GRIK2: variants seen among roughly 807,000 people sequenced by gnomAD.
GRIK2 encodes glutamate receptor ionotropic, kainate 2.
A neutral mutation model predicts 100.3 loss-of-function variants in GRIK2; 32 were observed. The observed-to-expected ratio is 0.32, with a 90% CI of 0.24 to 0.43. GRIK2 has a LOEUF of 0.43. Ranked by LOEUF, GRIK2 falls within the 20% of genes least tolerant of loss-of-function variation. GRIK2 has a pLI of 1.00. For synonymous variants in GRIK2, 417 were observed against 389.4 expected (o/e 1.07, Z -0.83); for missense variants, 843 against 1,114.9 (o/e 0.76, Z 3.47).
chr6:101,592,588 C>CATATATATATATATATATATATAT lies in GRIK2; in HGVS notation c.116-29348_116-29325dup, dbSNP rs3056161. 1.7e-3 allele frequency among the ~76,000 whole-genome samples: 169 copies of CATATATATATATATATATATATAT among 101,888 alleles called. 1 individual carries two copies. Among genetic ancestry groups the CATATATATATATATATATATATAT allele is most frequent in the African/African-American group, 1.9e-3 (50 of 25,814 alleles). 66.8% of individuals were successfully genotyped at this position (101,888 alleles called of 152,430 possible). ...TCATGGGATAGAATTACTAATATCA[C>CATATATATATATATATATATATAT]ATATATATATATATATATATATATA... On this transcript the variant is annotated intron_variant, in intron 2 of 16. Transcript: ENST00000369134.
chr6:101,652,664 G>T (rs1459889246), intron 4 of GRIK2, among the ~76,000 whole-genome samples: 1 of 152,148 alleles, frequency 6.6e-6, no homozygotes, highest in African/African-American at 2.4e-5. Context: ...TTTATATTCT[G>T]CTGGGAATAA....
chr6:101,661,331 A>G (rs768169215), intron 4 of GRIK2, among the ~76,000 whole-genome samples: 4 of 151,998 alleles, frequency 2.6e-5, no homozygotes, highest in African/African-American at 7.2e-5. Context: ...CCTGCCCCCA[A>G]GCTCAAGCAT....
chr6:102,042,835 G>GT (rs1292781470), intron 15 of GRIK2, among the ~76,000 whole-genome samples: 1 of 151,628 alleles, frequency 6.6e-6, no homozygotes, highest in Non-Finnish European at 1.5e-5. Context: ...GAGTTTCATG[G>GT]TTTAATACTC....
chr6:101,862,007 T>C (rs950150105), intron 11 of GRIK2, among the ~76,000 whole-genome samples: 10 of 152,144 alleles, frequency 6.6e-5, no homozygotes, highest in Non-Finnish European at 1.5e-4. Context: ...ATAAATTTTA[T>C]GGAGGGGCAA....
intron 2 of GRIK2, among the ~76,000 whole-genome samples, chr6:101,533,981 C>A (rs539235019): frequency 5.9e-5 from 9 of 151,968 alleles, no homozygotes; most frequent in African/African-American, 2.2e-4. Flanking sequence ...TTCATACCTT[C>A]ATGCCTCATT....
At chr6:101,762,634 G>T (rs1777801785) in intron 7 of GRIK2, among the ~76,000 whole-genome samples, 1 of 152,052 alleles carries the variant, frequency 6.6e-6, no homozygotes, top group South Asian at 2.1e-4. Context: ...AGGTATTCAG[G>T]GTGACAAGAC....
At chr6:101,679,152 G>A (rs1205194859) in intron 5 of GRIK2, among the ~76,000 whole-genome samples, 1 of 152,140 alleles carries the variant, frequency 6.6e-6, no homozygotes, top group African/African-American at 2.4e-5. Flanking sequence ...CAGAGAGTGT[G>A]AAATAAAAAC....
At chr6:101,864,910 A>T (rs1309269882) in intron 11 of GRIK2, among the ~76,000 whole-genome samples, 2 of 152,228 alleles carry the variant, frequency 1.3e-5, no homozygotes, top group African/African-American at 4.8e-5. Flanking sequence ...AGTTATCTAA[A>T]TAGTAACATT....
intron 15 of GRIK2, among the ~76,000 whole-genome samples, chr6:102,036,848 T>C (rs533931348): frequency 1.3e-5 from 2 of 151,484 alleles, no homozygotes; most frequent in South Asian, 4.1e-4. Context: ...AAAAAAGTCA[T>C]AGCATATTTT....
intron 15 of GRIK2, among the ~76,000 whole-genome samples, chr6:102,042,917 A>G (rs1021789060): frequency 6.6e-6 from 1 of 151,744 alleles, no homozygotes; most frequent in African/African-American, 2.4e-5. Flanking sequence ...CAGAACCAGT[A>G]AAAATAGTTG....
chr6:101,672,870 T>G (rs1319054069), intron 4 of GRIK2, among the ~76,000 whole-genome samples: 1 of 152,220 alleles, frequency 6.6e-6, no homozygotes, highest in Non-Finnish European at 1.5e-5. Context: ...TCATGAATAG[T>G]GCTGCGATGA....
At chr6:101,993,127 T>G (rs1241601902) in intron 14 of GRIK2, 1 of 151,344 alleles carries the variant, frequency 6.6e-6, no homozygotes, top group Non-Finnish European at 1.5e-5. Flanking sequence ...AACATTCTTT[T>G]CCTCTATCAA....
intron 14 of GRIK2, among the ~76,000 whole-genome samples, chr6:102,029,345 C>A (rs912358846): frequency 6.6e-6 from 1 of 151,274 alleles, no homozygotes; most frequent in South Asian, 2.1e-4. Context: ...TTGTTTTCCA[C>A]GTATAATCTT....
chr6:102,045,510 A>G (rs2782922), intron 15 of GRIK2, among the ~76,000 whole-genome samples: 55,482 of 151,906 alleles, frequency 0.37, 10,499 homozygotes, highest in Middle Eastern at 0.45. Context: ...AGATATCAGG[A>G]CCATGGAAGA....
At chr6:101,427,790 TAGTC>T (rs1424777618) in intron 2 of GRIK2, among the ~76,000 whole-genome samples, 2 of 152,338 alleles carry the variant, frequency 1.3e-5, no homozygotes, top group Non-Finnish European at 1.5e-5. Flanking sequence ...GTCAGTCTGT[TAGTC>T]AGTCACTTTG....
chr6:101,675,254 A>G (rs1439955039), intron 4 of GRIK2, among the ~76,000 whole-genome samples: 1 of 152,072 alleles, frequency 6.6e-6, no homozygotes, highest in Admixed American at 6.6e-5. Flanking sequence ...GTATACATAC[A>G]TACAGACAGT....
At chr6:102,046,655 C>G (rs1352802781) in intron 15 of GRIK2, among the ~76,000 whole-genome samples, 1 of 152,130 alleles carries the variant, frequency 6.6e-6, no homozygotes, top group Non-Finnish European at 1.5e-5. Context: ...TTCCCAGTCT[C>G]AAGTGGTTCT....
chr6:101,782,673 T>A (rs1168603357), intron 7 of GRIK2, among the ~76,000 whole-genome samples: 1 of 152,104 alleles, frequency 6.6e-6, no homozygotes, highest in African/African-American at 2.4e-5. Context: ...AACATAGGAG[T>A]GCATGTATCC....
intron 12 of GRIK2, 85 bp downstream of exon 12, chr6:101,889,948 AC>A: frequency 2.6e-6 from 2 of 781,030 alleles, no homozygotes; most frequent in South Asian, 3.1e-5. Flanking sequence ...AATCAATTTT[AC>A]TTTTTCTGTT....
Sources: gnomAD v4.1 joint callset for allele counts (sites outside exome capture counted in the v4.1 genomes callset) on GRCh38, gnomAD v4.1.1 for gene constraint, MANE v1.5 for transcripts, NCBI Gene and HGNC (gene_info 2026-07-23, HGNC 2026-07-21) for gene names.